Variants in HDAC4 observed in about 807,000 individuals in gnomAD.
The protein encoded by HDAC4 is histone deacetylase 4, also known as histone deacetylase A.
A neutral mutation model predicts 135.1 loss-of-function variants in HDAC4; 16 were observed. The ratio of observed to expected loss-of-function variants is 0.12; its 90% confidence interval spans 0.08 to 0.18. The LOEUF (loss-of-function observed/expected upper bound fraction) is 0.18. HDAC4 is among the 10% of genes least tolerant of loss of function. The pLI is 1.00. For synonymous variants in HDAC4, 685 were observed against 653.4 expected (o/e 1.05, Z -0.74); for missense variants, 1,143 against 1,511.8 (o/e 0.76, Z 4.05).
intron 2 of HDAC4, among the ~76,000 whole-genome samples, chr2:239,315,231 A>G (rs1304899774): frequency 6.6e-6 from 1 of 152,188 alleles, no homozygotes; most frequent in Non-Finnish European, 1.5e-5. Flanking sequence ...CAGACGCCTC[A>G]TGTCTCCCTA....
intron 2 of HDAC4, among the ~76,000 whole-genome samples, chr2:239,291,863 G>A (rs1191675482): frequency 6.6e-6 from 1 of 152,172 alleles, no homozygotes; most frequent in Non-Finnish European, 1.5e-5. Context: ...TTCTCCCCGG[G>A]AGCCGCCGAT....
chr2:239,076,356 G>A (rs904115112), intron 22 of HDAC4, among the ~76,000 whole-genome samples: 4 of 152,342 alleles, frequency 2.6e-5, no homozygotes, highest in African/African-American at 4.8e-5. Context: ...CACGGGGCAC[G>A]TCTAGCTCTA....
chr2:239,300,438 G>A (rs2052183986), intron 2 of HDAC4, among the ~76,000 whole-genome samples: 1 of 152,232 alleles, frequency 6.6e-6, no homozygotes, highest in Non-Finnish European at 1.5e-5. Context: ...AGTCAGGCAT[G>A]ACCAGTGGCT....
At chr2:239,266,167 G>A (rs1035931551) in intron 2 of HDAC4, among the ~76,000 whole-genome samples, 1 of 152,194 alleles carries the variant, frequency 6.6e-6, no homozygotes, top group Admixed American at 6.5e-5. Context: ...CCACCACACT[G>A]CCATAGCCCC....
intron 3 of HDAC4, among the ~76,000 whole-genome samples, chr2:239,208,496 G>A (rs978956760): frequency 6.6e-6 from 1 of 152,048 alleles, no homozygotes; most frequent in East Asian, 1.9e-4. Context: ...AAATAAAAGA[G>A]CGCTTCTTTA....
chr2:239,373,559 G>A (rs75308224), intron 1 of HDAC4, among the ~76,000 whole-genome samples: 2,593 of 151,290 alleles, frequency 0.017, 60 homozygotes, highest in East Asian at 0.12. Context: ...CACCTCCCAG[G>A]TTCAAGCGAT....
chr2:239,120,742 T>C (rs1028384354), intron 12 of HDAC4, among the ~76,000 whole-genome samples: 3 of 151,882 alleles, frequency 2.0e-5, no homozygotes, highest in Non-Finnish European at 4.4e-5. Flanking sequence ...CCAGGGGCCA[T>C]TCTGAAGTGG....
intron 1 of HDAC4, among the ~76,000 whole-genome samples, chr2:239,394,031 C>A (rs1696401533): frequency 7.6e-6 from 1 of 131,812 alleles, no homozygotes; most frequent in Admixed American, 8.7e-5. Context: ...AACTTCTCTT[C>A]CTCAGTTTAA....
chr2:239,186,230 A>G (rs1278782002), intron 4 of HDAC4, among the ~76,000 whole-genome samples: 2 of 152,150 alleles, frequency 1.3e-5, no homozygotes, highest in African/African-American at 4.8e-5. Context: ...TATTTACCCA[A>G]CATTAATAAT....
At chr2:239,166,213 A>G (rs1483251953) in intron 5 of HDAC4, among the ~76,000 whole-genome samples, 1 of 152,168 alleles carries the variant, frequency 6.6e-6, no homozygotes, top group Non-Finnish European at 1.5e-5. Flanking sequence ...TCAGTCAGCA[A>G]TGAGACGCCT....
chr2:239,067,907 G>A (rs1024930179), intron 23 of HDAC4, among the ~76,000 whole-genome samples: 1 of 152,208 alleles, frequency 6.6e-6, no homozygotes, highest in Non-Finnish European at 1.5e-5. Flanking sequence ...GATCCTCGGG[G>A]ACTCCAGGGT....
At chr2:239,107,690 G>A (rs1416203991) in intron 15 of HDAC4, among the ~76,000 whole-genome samples, 1 of 152,252 alleles carries the variant, frequency 6.6e-6, no homozygotes, top group East Asian at 1.9e-4. Flanking sequence ...GCAGCCCTGG[G>A]GGAGCATGGT....
intron 2 of HDAC4, among the ~76,000 whole-genome samples, chr2:239,288,745 C>G (rs553370485): frequency 6.6e-6 from 1 of 151,840 alleles, no homozygotes; most frequent in South Asian, 2.1e-4. Context: ...TAACTTGACA[C>G]GTACAAGACC....
intron 11 of HDAC4, among the ~76,000 whole-genome samples, chr2:239,129,023 G>A (rs1559482524): frequency 6.6e-6 from 1 of 152,176 alleles, no homozygotes; most frequent in Non-Finnish European, 1.5e-5. Flanking sequence ...ACAAGCCTAC[G>A]CCCCATTGGA....
At position 239,344,140 on chromosome 2, in the gene HDAC4, G is replaced by A. The variant is rs561878207; in HGVS notation, c.22+8538C>T. Reference sequence around the variant, plus strand: ...CGCCTCACACAGCCTGGCACCCGGAGGCAGCCACGCACCTGCACACCTGTC... The same window carrying A: ...CGCCTCACACAGCCTGGCACCCGGAAGCAGCCACGCACCTGCACACCTGTC... On this transcript the variant is annotated intron_variant, in intron 2 of 26. Transcript: ENST00000543185. 1.6e-4 allele frequency among the ~76,000 whole-genome samples: 24 copies of A among 152,228 alleles called. No homozygotes were observed. The South Asian group carries it at 5.0e-3, about 32-fold the overall frequency.
At chr2:239,392,363 C>T (rs1696284799) in intron 1 of HDAC4, among the ~76,000 whole-genome samples, 1 of 152,232 alleles carries the variant, frequency 6.6e-6, no homozygotes, top group Non-Finnish European at 1.5e-5. Flanking sequence ...CTTGAGCTGG[C>T]AAACAAGTGT....
intron 5 of HDAC4, among the ~76,000 whole-genome samples, chr2:239,169,913 G>A (rs1398062857): frequency 6.6e-6 from 1 of 152,192 alleles, no homozygotes; most frequent in Admixed American, 6.5e-5. Context: ...AATGTGCCAG[G>A]AGCCAGGGCC....
At chr2:239,223,641 G>A (rs1011308911) in intron 3 of HDAC4, among the ~76,000 whole-genome samples, 1 of 152,076 alleles carries the variant, frequency 6.6e-6, no homozygotes, top group African/African-American at 2.4e-5. Flanking sequence ...CCTTGGTAAG[G>A]GGACCTGTGG....
At chr2:239,061,331 C>G (rs2032686956) in intron 24 of HDAC4, among the ~76,000 whole-genome samples, 1 of 147,648 alleles carries the variant, frequency 6.8e-6, no homozygotes, top group African/African-American at 2.5e-5. Flanking sequence ...CACAAGAGGG[C>G]ATACCTGTGT....
Sources: gnomAD v4.1 joint callset for allele counts (sites outside exome capture counted in the v4.1 genomes callset) on GRCh38, gnomAD v4.1.1 for gene constraint, MANE v1.5 for transcripts, NCBI Gene and HGNC (gene_info 2026-07-23, HGNC 2026-07-21) for gene names.